Variants in ROBO1 observed in about 807,000 individuals in gnomAD.
The protein encoded by ROBO1 is roundabout homolog 1.
A neutral mutation model predicts 195.9 loss-of-function variants in ROBO1; 149 were observed. The observed-to-expected ratio is 0.76, with a 90% CI of 0.67 to 0.87. ROBO1 has a LOEUF of 0.87. ROBO1 is among the 40% of genes least tolerant of loss of function. The pLI, the probability that ROBO1 is intolerant of heterozygous loss-of-function variation, is 0.00. For synonymous variants in ROBO1, 816 were observed against 733.2 expected (o/e 1.11, Z -1.82); for missense variants, 1,933 against 2,068.3 (o/e 0.93, Z 1.27).
At chr3:78,911,721 C>CCAGTTTT in intron 4 of ROBO1, among the ~76,000 whole-genome samples, 1 of 152,040 alleles carries the variant, frequency 6.6e-6, no homozygotes, top group African/African-American at 2.4e-5. Flanking sequence ...CAAATTTTTT[C>CCAGTTTT]CAGTTTTCAA....
intron 2 of ROBO1, among the ~76,000 whole-genome samples, chr3:79,198,207 T>G (rs544529224): frequency 6.6e-6 from 1 of 152,116 alleles, no homozygotes; most frequent in Non-Finnish European, 1.5e-5. Flanking sequence ...CTTGAGTTAA[T>G]TTTTGTATAA....
intron 3 of ROBO1, among the ~76,000 whole-genome samples, chr3:78,984,987 T>C (rs946209692): frequency 5.9e-5 from 9 of 152,310 alleles, no homozygotes; most frequent in Middle Eastern, 6.8e-3. Context: ...GACTTTATGA[T>C]GATCAACTTC....
chr3:79,315,556 G>A (rs1050374446), intron 2 of ROBO1, among the ~76,000 whole-genome samples: 1 of 152,180 alleles, frequency 6.6e-6, no homozygotes, highest in Non-Finnish European at 1.5e-5. Flanking sequence ...ATAAAAGTGG[G>A]AATGAGAACT....
At chr3:79,021,170 C>A (rs1388263294) in intron 3 of ROBO1, among the ~76,000 whole-genome samples, 1 of 152,158 alleles carries the variant, frequency 6.6e-6, no homozygotes, top group Non-Finnish European at 1.5e-5. Context: ...CAACCAAAAT[C>A]TTTTCAGCAG....
At chr3:78,851,464 C>T (rs1274140388) in intron 4 of ROBO1, among the ~76,000 whole-genome samples, 1 of 152,120 alleles carries the variant, frequency 6.6e-6, no homozygotes, top group African/African-American at 2.4e-5. Flanking sequence ...TAACCAGGTC[C>T]CACTTTCCTC....
chr3:79,690,593 T>C (rs954420617), intron 1 of ROBO1, among the ~76,000 whole-genome samples: 2 of 151,994 alleles, frequency 1.3e-5, no homozygotes, highest in Non-Finnish European at 2.9e-5. Context: ...TAAACTTACT[T>C]GCCTTAAGTT....
chr3:79,155,741 C>T (rs2080847634), intron 2 of ROBO1, among the ~76,000 whole-genome samples: 2 of 151,716 alleles, frequency 1.3e-5, no homozygotes, highest in African/African-American at 4.8e-5. Context: ...GAAACCTGTC[C>T]AGTTTGCACA....
chr3:79,373,396 G>C (rs1048630099), intron 2 of ROBO1, among the ~76,000 whole-genome samples: 2 of 151,980 alleles, frequency 1.3e-5, no homozygotes, highest in Non-Finnish European at 2.9e-5. Context: ...ATGAACTAAT[G>C]TATTAATCTC....
intron 1 of ROBO1, among the ~76,000 whole-genome samples, chr3:79,645,266 C>T (rs1945784770): frequency 1.3e-5 from 2 of 151,946 alleles, no homozygotes; most frequent in Non-Finnish European, 2.9e-5. Flanking sequence ...CTTTGGGATG[C>T]CAAAACAGGA....
intron 3 of ROBO1, among the ~76,000 whole-genome samples, chr3:78,980,974 T>C (rs1217261037): frequency 6.6e-6 from 1 of 152,208 alleles, no homozygotes; most frequent in Non-Finnish European, 1.5e-5. Context: ...AGTCAGAGGA[T>C]GATGACAGTC....
intron 10 of ROBO1, among the ~76,000 whole-genome samples, chr3:78,677,728 G>A (rs1044322578): frequency 6.6e-6 from 1 of 152,076 alleles, no homozygotes; most frequent in Non-Finnish European, 1.5e-5. Context: ...AATAATGGGC[G>A]ACTTTAACAC....
At chr3:79,377,697 G>C (rs2036432219) in intron 2 of ROBO1, among the ~76,000 whole-genome samples, 1 of 152,202 alleles carries the variant, frequency 6.6e-6, no homozygotes, top group Admixed American at 6.5e-5. Context: ...AACGGAGAAA[G>C]GTGGTCATTA....
chr3:79,251,940 A>C (rs2082737092), intron 2 of ROBO1, among the ~76,000 whole-genome samples: 1 of 151,980 alleles, frequency 6.6e-6, no homozygotes, highest in Non-Finnish European at 1.5e-5. Flanking sequence ...AGAGAGCAAG[A>C]CTCAGTCTCA....
chr3:79,238,277 T>C (rs1231842117), intron 2 of ROBO1, among the ~76,000 whole-genome samples: 2 of 152,202 alleles, frequency 1.3e-5, no homozygotes, highest in African/African-American at 2.4e-5. Flanking sequence ...TTTAACTGTA[T>C]AATAGAAAGG....
intron 3 of ROBO1, among the ~76,000 whole-genome samples, chr3:79,123,614 T>C (rs754368462): frequency 6.6e-6 from 1 of 151,962 alleles, no homozygotes; most frequent in Admixed American, 6.6e-5. Context: ...AAACAAAATA[T>C]ACAGAATAGA....
chr3:78,762,128 G>T (rs775982218), intron 4 of ROBO1, among the ~76,000 whole-genome samples: 2 of 151,848 alleles, frequency 1.3e-5, no homozygotes, highest in Non-Finnish European at 2.9e-5. Context: ...GTCTAAATAG[G>T]TATTCATGAC....
chr3:78,824,557 G>A (rs908500740), intron 4 of ROBO1, among the ~76,000 whole-genome samples: 1 of 152,068 alleles, frequency 6.6e-6, no homozygotes, highest in African/African-American at 2.4e-5. Context: ...ATGTACATCA[G>A]GATGTAATAG....
intron 2 of ROBO1, among the ~76,000 whole-genome samples, chr3:79,587,253 C>T (rs1417044978): frequency 6.6e-6 from 1 of 151,750 alleles, no homozygotes; most frequent in Non-Finnish European, 1.5e-5. Context: ...GCTGGGCAAT[C>T]CATCAGTTCC....
intron 2 of ROBO1, among the ~76,000 whole-genome samples, chr3:79,261,099 A>T (rs1023101557): frequency 3.3e-5 from 5 of 152,114 alleles, no homozygotes; most frequent in Non-Finnish European, 7.4e-5. Context: ...GACCCTGGTA[A>T]ATATCAGACT....
Sources: gnomAD v4.1 joint callset for allele counts (sites outside exome capture counted in the v4.1 genomes callset) on GRCh38, gnomAD v4.1.1 for gene constraint, MANE v1.5 for transcripts, NCBI Gene and HGNC (gene_info 2026-07-23, HGNC 2026-07-21) for gene names.